The following RNF128 variants were observed in gnomAD, a reference collection of about 807,000 sequenced individuals.
RNF128 encodes the protein ring finger protein 128.
In RNF128, 13 loss-of-function variants were observed where a neutral mutation model predicts 26.2. The ratio of observed to expected loss-of-function variants is 0.50; its 90% CI spans 0.32 to 0.79. RNF128 has a LOEUF of 0.79. Among genes scored for constraint, RNF128 ranks in the 30% least tolerant of loss-of-function variants. RNF128 has a pLI of 0.03. For missense variants in RNF128, 315 were observed against 349.7 expected (o/e 0.90, Z 0.79); for synonymous variants, 149 against 142.5 (o/e 1.05, Z -0.32).
intron 1 of RNF128, among the ~76,000 whole-genome samples, chrX:106,713,753 C>A (rs1294049108): frequency 6.3e-5 from 7 of 111,358 alleles, no homozygotes; most frequent in African/African-American, 2.3e-4. Flanking sequence ...AACATGGGGT[C>A]GTTGGATAAC....
chrX:106,790,830 G>A (rs1019366561), intron 5 of RNF128, among the ~76,000 whole-genome samples: 1 of 109,858 alleles, frequency 9.1e-6, no homozygotes, highest in African/African-American at 3.3e-5. Context: ...TCACCCAAAT[G>A]AACATACCAG....
At position 106,762,807 on chromosome X, in the gene RNF128, T is replaced by A. The variant is rs145983519; in HGVS notation, c.485-10106T>A. On this transcript the variant is annotated intron_variant, in intron 1 of 6. Transcript: ENST00000255499. Reference sequence around the variant, plus strand: ...AATACCACATGTTCTTATGTATAAGTGGGAGCTAAACTTTGAGTACACATG... The same window carrying A: ...AATACCACATGTTCTTATGTATAAGAGGGAGCTAAACTTTGAGTACACATG... Among the ~76,000 whole-genome samples, 409 of 109,533 alleles carry A rather than the reference T, an allele frequency of 3.7e-3. 1 individual carries two copies. Among genetic ancestry groups the A allele is most frequent in the African/African-American group, 0.012 (367 of 30,106 alleles).
rs1929421577 is a variant in RNF128 at position 106,727,309 on chromosome X, C to A, written c.396C>A (p.Ile132=). The A allele has an allele frequency of 8.3e-7, 1 of 1,209,967 alleles. No homozygotes were observed. Among genetic ancestry groups the A allele is most frequent in the African/African-American group, 1.7e-5 (1 of 57,166 alleles). Reference sequence around the variant, plus strand: ...GGGGCTGCACCTTCGCAGACAAGATCCATCTGGCTTATGAGAGAGGGGCGT... The same window carrying A: ...GGGGCTGCACCTTCGCAGACAAGATACATCTGGCTTATGAGAGAGGGGCGT... ...RGGGCTFADK[I]HLAYERGASG... The change falls in exon 1 of 7, where the codon ATC becomes ATA. Residue 132 remains isoleucine, a synonymous_variant. Transcript: ENST00000255499.
intron 4 of RNF128, among the ~76,000 whole-genome samples, chrX:106,789,183 C>A: frequency 1.1e-5 from 1 of 89,378 alleles, no homozygotes; most frequent in African/African-American, 4.0e-5. Context: ...ATATATTATA[C>A]ATATATGTAA....
At chrX:106,756,102 G>T (rs1386679786) in intron 1 of RNF128, among the ~76,000 whole-genome samples, 1 of 111,119 alleles carries the variant, frequency 9.0e-6, no homozygotes, top group Admixed American at 9.6e-5. Flanking sequence ...CAAACAAATG[G>T]AAGAACATTC....
At chrX:106,789,064 A>AATAGTGTATATATACTATATAGTAT (rs1175792753) in intron 4 of RNF128, among the ~76,000 whole-genome samples, 34 of 84,986 alleles carry the variant, frequency 4.0e-4, no homozygotes, top group Non-Finnish European at 7.1e-4. Context: ...TATAGTATAC[A>AATAGTGTATATATACTATATAGTAT]ATAGTGTATA....
chrX:106,756,305 C>G (rs1270813179), intron 1 of RNF128, among the ~76,000 whole-genome samples: 1 of 111,124 alleles, frequency 9.0e-6, no homozygotes, highest in African/African-American at 3.3e-5. Flanking sequence ...AAGAACAAAG[C>G]GGGAGGCATC....
At chrX:106,765,904 T>C (rs1203988315) in intron 1 of RNF128, among the ~76,000 whole-genome samples, 1 of 96,664 alleles carries the variant, frequency 1.0e-5, no homozygotes, top group East Asian at 3.3e-4. Context: ...GTGTGTGATG[T>C]TCCCCACCCT....
chrX:106,742,438 C>T (rs1005080598), intron 1 of RNF128, among the ~76,000 whole-genome samples: 5 of 111,274 alleles, frequency 4.5e-5, no homozygotes. Context: ...TGCAGATTCC[C>T]AAGCCCCACC....
At chrX:106,712,245 A>G (rs1929141480) in intron 1 of RNF128, among the ~76,000 whole-genome samples, 1 of 112,261 alleles carries the variant, frequency 8.9e-6, no homozygotes, top group Non-Finnish European at 1.9e-5. Flanking sequence ...CCTTTGTATC[A>G]TCTGCATCAC....
intron 2 of RNF128, 70 bp from the exon 3 acceptor site, chrX:106,784,995 T>G: frequency 5.3e-6 from 4 of 748,342 alleles, no homozygotes; most frequent in Non-Finnish European, 7.8e-6. Context: ...TTATTGATCC[T>G]CTCTATCTTT....
At chrX:106,790,321 C>T (rs761896553) in intron 5 of RNF128, 39 bp downstream of exon 5, 2 of 940,907 alleles carry the variant, frequency 2.1e-6, no homozygotes, top group Non-Finnish European at 3.0e-6. Flanking sequence ...GAATATATGC[C>T]TGGGCTTTGG....
At chrX:106,759,969 G>T (rs1930091168) in intron 1 of RNF128, among the ~76,000 whole-genome samples, 1 of 111,361 alleles carries the variant, frequency 9.0e-6, no homozygotes, top group Non-Finnish European at 1.9e-5. Context: ...AAATAAAAAT[G>T]CTTGAAGTGA....
chrX:106,766,678 G>T (rs1468555229), intron 1 of RNF128, among the ~76,000 whole-genome samples: 1 of 111,767 alleles, frequency 8.9e-6, no homozygotes, highest in African/African-American at 3.3e-5. Flanking sequence ...TGTTCACTCT[G>T]ACGGTAGTTT....
At chrX:106,758,522 A>T (rs780581836) in intron 1 of RNF128, among the ~76,000 whole-genome samples, 1 of 112,042 alleles carries the variant, frequency 8.9e-6, no homozygotes, top group East Asian at 2.8e-4. Flanking sequence ...ATATTACCTG[A>T]CTTTAAATTA....
In RNF128 at chrX:106,788,426, T is replaced by A. The variant is rs187187433; in HGVS notation, c.887+426T>A. Among the ~76,000 whole-genome samples the A allele has an allele frequency of 5.1e-3, 235 of 46,521 alleles. 5 individuals carry two copies. Among genetic ancestry groups the A allele is most frequent in the African/African-American group, 0.024 (220 of 9,146 alleles). The allele number at this position is 46,521 out of a possible 115,157, so 40.4% of individuals were successfully genotyped here. ...TATAATATATAATATATAATATATA[T>A]TATATATAATATTATTATAATTATA... On this transcript the variant is annotated intron_variant, in intron 4 of 6. Transcript: ENST00000255499.
intron 1 of RNF128, among the ~76,000 whole-genome samples, chrX:106,771,438 C>T (rs1408781735): frequency 8.9e-6 from 1 of 112,818 alleles, no homozygotes; most frequent in East Asian, 2.8e-4. Context: ...TTTACCTACT[C>T]AAGCCTCAGC....
At chrX:106,782,990 AT>A (rs1254339463) in intron 2 of RNF128, among the ~76,000 whole-genome samples, 1 of 112,200 alleles carries the variant, frequency 8.9e-6, no homozygotes, top group Non-Finnish European at 1.9e-5. Context: ...TTGTGCTGAA[AT>A]TAAGTCCCAT....
chrX:106,746,791 A>G (rs1157027582), intron 1 of RNF128, among the ~76,000 whole-genome samples: 1 of 111,526 alleles, frequency 9.0e-6, no homozygotes, highest in Non-Finnish European at 1.9e-5. Flanking sequence ...ATTGCTACCT[A>G]TTTCTAATCT....
Sources: gnomAD v4.1 joint callset for allele counts (sites outside exome capture counted in the v4.1 genomes callset) on GRCh38, gnomAD v4.1.1 for gene constraint, MANE v1.5 for transcripts, NCBI Gene and HGNC (gene_info 2026-07-23, HGNC 2026-07-21) for gene names.